RASL10B: variants seen among roughly 807,000 people sequenced by gnomAD.
RASL10B encodes ras-like protein family member 10B.
A neutral mutation model predicts 20.7 loss-of-function variants in RASL10B; 10 were observed. The observed-to-expected ratio is 0.48, with a 90% CI of 0.30 to 0.82. The LOEUF (loss-of-function observed/expected upper bound fraction) is 0.82, where lower values mean the gene tolerates loss of function less well. Ranked by LOEUF, RASL10B falls within the 40% of genes least tolerant of loss-of-function variation. The pLI, the probability that RASL10B is intolerant of heterozygous loss-of-function variation, is 0.07. For missense variants in RASL10B, 231 were observed against 295.4 expected, an observed-to-expected ratio of 0.78 and a Z score of 1.60; for synonymous variants, 110 against 123.3, an observed-to-expected ratio of 0.89 and a Z score of 0.72.
intron 2 of RASL10B, among the ~76,000 whole-genome samples, chr17:35,738,633 G>C (rs1555597502): frequency 6.6e-6 from 1 of 152,152 alleles, no homozygotes; most frequent in Non-Finnish European, 1.5e-5. Context: ...TCTCTGTCTT[G>C]ACAGAGCCCC....
chr17:35,735,199 C>T lies in RASL10B; in HGVS notation c.15C>T (p.Tyr5=). 6.2e-7 allele frequency: 1 copy of T among 1,610,564 alleles called. No homozygotes were observed. Among genetic ancestry groups the T allele is most frequent in the Non-Finnish European group, 8.5e-7 (1 of 1,179,622 alleles). The stretch of plus-strand genomic sequence containing the variant: ...GGGCGGGAGGCATGGTCTCCACCTA[C>T]CGGGTGGCCGTGCTGGGGGCGCGAG... MVST[Y]RVAVLGARGV... The change falls in exon 2 of 4, where the codon TAC becomes TAT. Residue 5 remains tyrosine, a synonymous_variant. Coordinates refer to ENST00000603017, the MANE Select transcript of RASL10B (RefSeq NM_033315.4). The surrounding 1 kb of genome is among the most constrained non-coding windows in gnomAD (Gnocchi z 6.7).
chr17:35,732,918 C>T (rs1393754315), intron 1 of RASL10B, among the ~76,000 whole-genome samples: 1 of 152,096 alleles, frequency 6.6e-6, no homozygotes, highest in African/African-American at 2.4e-5. Context: ...TAAGGGGCTT[C>T]GGGACCTGGA....
In RASL10B at chr17:35,741,630, G is replaced by A. The variant is rs587690717; in HGVS notation, c.*325G>A. The A allele has an allele frequency of 1.2e-4, 38 of 329,532 alleles. No individual in the cohort carries two copies. Among genetic ancestry groups the A allele is most frequent in the Middle Eastern group, 1.5e-3 (2 of 1,292 alleles). The allele number at this position is 329,532 out of a possible 1,614,324, so 20.4% of individuals were successfully genotyped here. On this transcript the variant is annotated 3_prime_UTR_variant, in exon 4 of 4. Coordinates refer to ENST00000603017, the MANE Select transcript of RASL10B (RefSeq NM_033315.4). The stretch of plus-strand genomic sequence containing the variant: ...TGGAGGCTGGGGGTGGCGAGGTGCC[G>A]CCTTGGCCGGGCCCCCACGTGTCTT...
In RASL10B at chr17:35,740,476, GC is replaced by G; in HGVS notation, c.285del (p.Cys96AlafsTer20). ...VHAYILVYDI[C>X]CFDSFEYVKT... ...GCCTACATCCTGGTCTACGACATCTGCTGCTTTGACAGCTTTGAGTACGTCA... is the reference window on the plus strand; with the variant it reads ...GCCTACATCCTGGTCTACGACATCTGTGCTTTGACAGCTTTGAGTACGTCA... On this transcript the variant is annotated frameshift_variant, in exon 3 of 4. Coordinates refer to ENST00000603017, the MANE Select transcript of RASL10B (RefSeq NM_033315.4). LOFTEE classifies it high-confidence loss of function. 3.7e-6 allele frequency: 6 copies of G among 1,614,056 alleles called. No individual in the cohort carries two copies. Among genetic ancestry groups the G allele is most frequent in the Non-Finnish European group, 4.2e-6 (5 of 1,179,994 alleles).
At chr17:35,740,905 C>T in intron 3 of RASL10B, 130 bp from the exon 4 acceptor site, 1 of 738,296 alleles carries the variant, frequency 1.4e-6, no homozygotes. Context: ...TATAACACCT[C>T]CAGGGCTTAG....
intron 1 of RASL10B, among the ~76,000 whole-genome samples, chr17:35,733,429 C>G (rs1026975711): frequency 5.3e-5 from 8 of 152,230 alleles, no homozygotes; most frequent in Non-Finnish European, 1.0e-4. Flanking sequence ...GTTCTCATTC[C>G]ACATCCTGAC....
chr17:35,731,676 G>T lies in RASL10B; in HGVS notation c.-350G>T, dbSNP rs1414058593. ...GCAGGCGGCGCGCTCCGGAGGGAGA[G>T]CTGGGGCTGGAGGTTCCTACCCCCT... On this transcript the variant is annotated 5_prime_UTR_variant, in exon 1 of 4. Coordinates refer to ENST00000603017, the MANE Select transcript of RASL10B (RefSeq NM_033315.4). 2 of 152,240 alleles carry T rather than the reference G, an allele frequency of 1.3e-5. No individual in the cohort carries two copies. Among genetic ancestry groups the T allele is most frequent in the Non-Finnish European group, 2.9e-5 (2 of 68,092 alleles). 9.4% of individuals were successfully genotyped at this position (152,240 alleles called of 1,614,324 possible).
intron 2 of RASL10B, among the ~76,000 whole-genome samples, chr17:35,736,426 G>A (rs912252103): frequency 3.3e-5 from 5 of 152,152 alleles, no homozygotes; most frequent in South Asian, 2.1e-4. Flanking sequence ...CAGCACTCTC[G>A]GCAACACCAG....
rs1391963489 is a variant in RASL10B, at chr17:35,735,300, G to A, written c.116G>A (p.Arg39His). ...FSEVCVPTTARRLYLPAVVMN... is the reference protein window; with the variant it reads ...FSEVCVPTTAHRLYLPAVVMN... The stretch of plus-strand genomic sequence containing the variant: ...GAGGTCTGCGTCCCCACCACCGCCC[G>A]CCGCCTTTACCTGCCTGCTGTCGTC... Residue 39 changes from arginine (R) to histidine (H), a missense_variant, in exon 2 of 4, where the codon CGC (arginine) becomes CAC (histidine). Arg to His is a conservative substitution (Grantham distance 29). Transcript: ENST00000603017. This position sits in a 1 kb window ranked among gnomAD's most constrained non-coding sequence, Gnocchi z 6.7. 1.2e-6 allele frequency: 2 copies of A among 1,613,854 alleles called. No homozygotes were observed. The highest frequency in any genetic ancestry group is 1.1e-5 in the South Asian group (1 of 91,086).
rs1267013543 is a variant in RASL10B at position 35,735,906 on chromosome 17, C to T, written c.216+506C>T. Among the ~76,000 whole-genome samples the T allele has an allele frequency of 1.3e-5, 2 of 152,124 alleles. No homozygotes were observed. The highest frequency in any genetic ancestry group is 6.5e-5 in the Admixed American group (1 of 15,276). ...GGAACACTAGGCTACTGTGAGTATT[C>T]GGAGCTGTGCCTACCGTAACCTCAC... On this transcript the variant is annotated intron_variant, in intron 2 of 3. Transcript: ENST00000603017. This position sits in a 1 kb window ranked among gnomAD's most constrained non-coding sequence, Gnocchi z 6.7.
At chr17:35,740,974 T>G in intron 3 of RASL10B, 61 bp from the exon 4 acceptor site, 1 of 1,440,642 alleles carries the variant, frequency 6.9e-7, no homozygotes. Flanking sequence ...CAGCCTGCCC[T>G]GCTGGGAGTA....
In RASL10B at chr17:35,743,349, C is replaced by G. The variant is rs1180602331; in HGVS notation, c.*2044C>G. 1 of 152,858 alleles carries G rather than the reference C, an allele frequency of 6.5e-6. No individual in the cohort carries two copies. The highest frequency in any genetic ancestry group is 1.5e-5 in the Non-Finnish European group (1 of 68,190). 9.5% of individuals were successfully genotyped at this position (152,858 alleles called of 1,614,324 possible). Reference sequence around the variant, plus strand: ...GACAGGCCCCCTTCCGCCTCCACCTCAACCCAGGTCTTGGATTTCAGGTCC... The same window carrying G: ...GACAGGCCCCCTTCCGCCTCCACCTGAACCCAGGTCTTGGATTTCAGGTCC... On this transcript the variant is annotated 3_prime_UTR_variant, in exon 4 of 4. Coordinates refer to ENST00000603017, the MANE Select transcript of RASL10B (RefSeq NM_033315.4).
rs1221305036 is a variant in RASL10B at position 35,743,146 on chromosome 17, CAA to C, written c.*1843_*1844del. 1.3e-5 allele frequency: 2 copies of C among 152,664 alleles called. No homozygotes were observed. The highest frequency in any genetic ancestry group is 4.8e-5 in the African/African-American group (2 of 41,438). The allele number at this position is 152,664 out of a possible 1,614,324, so 9.5% of individuals were successfully genotyped here. On this transcript the variant is annotated 3_prime_UTR_variant, in exon 4 of 4. Coordinates refer to ENST00000603017, the MANE Select transcript of RASL10B (RefSeq NM_033315.4). ...CACCTTAGAGTGGCTGGGAGGGTAA[CAA>C]AGAGGGCCTGCCCCTTTAGTCTCCT...
At chr17:35,734,346 C>G (rs1344030246) in intron 1 of RASL10B, among the ~76,000 whole-genome samples, 1 of 152,186 alleles carries the variant, frequency 6.6e-6, no homozygotes, top group Non-Finnish European at 1.5e-5. Context: ...CTTACTCCTT[C>G]TAAGCTTCTC....
chr17:35,737,861 A>T (rs1472386295), intron 2 of RASL10B, among the ~76,000 whole-genome samples: 1 of 150,196 alleles, frequency 6.7e-6, no homozygotes, highest in Admixed American at 6.7e-5. Context: ...TGAGAGTGCC[A>T]CTGCACTCCA....
chr17:35,733,836 C>T (rs1048483096), intron 1 of RASL10B, among the ~76,000 whole-genome samples: 1 of 152,166 alleles, frequency 6.6e-6, no homozygotes, highest in Non-Finnish European at 1.5e-5. Context: ...GGTGATTTGC[C>T]CACTGACCTG....
intron 1 of RASL10B, among the ~76,000 whole-genome samples, chr17:35,732,737 C>A (rs147391385): frequency 3.3e-4 from 50 of 152,148 alleles, no homozygotes; most frequent in African/African-American, 1.2e-3. Flanking sequence ...AGGGTGCATC[C>A]TAGAAATCTC....
intron 2 of RASL10B, among the ~76,000 whole-genome samples, chr17:35,739,626 T>A (rs1225879406): frequency 6.6e-6 from 1 of 152,180 alleles, no homozygotes; most frequent in Non-Finnish European, 1.5e-5. Flanking sequence ...CCAGTCTGAA[T>A]CTTTTTCTGT....
At position 35,735,652 on chromosome 17, in the gene RASL10B, T is replaced by A. The variant is rs1337592729; in HGVS notation, c.216+252T>A. ...CCCTGCAGTGGGCACTGGTGCAGAA[T>A]GGTGAGCAAAAAATTTATGGAATTT... On this transcript the variant is annotated intron_variant, in intron 2 of 3. Coordinates refer to ENST00000603017, the MANE Select transcript of RASL10B (RefSeq NM_033315.4). The surrounding 1 kb of genome is among the most constrained non-coding windows in gnomAD (Gnocchi z 6.7). Among the ~76,000 whole-genome samples the A allele has an allele frequency of 2.6e-5, 4 of 152,218 alleles. No homozygotes were observed.
Sources: allele counts gnomAD v4.1 joint callset (sites outside exome capture counted in the v4.1 genomes callset), GRCh38; gene constraint gnomAD v4.1.1; non-coding constraint Gnocchi (gnomAD v3.1); transcripts MANE v1.5; gene names NCBI Gene and HGNC (gene_info 2026-07-23, HGNC 2026-07-21).